Variants in KLK1 observed in about 807,000 individuals in gnomAD.
KLK1 encodes the protein kallikrein-1.
A neutral mutation model predicts 23.3 loss-of-function variants in KLK1; 22 were observed. That is an observed-to-expected ratio of 0.95 (90% CI 0.68 to 1.35). The LOEUF is 1.35. Ranked by LOEUF, KLK1 falls within the 40% of genes most tolerant of loss-of-function variation. The pLI is 0.00. For synonymous variants in KLK1, 140 were observed against 135.8 expected, an observed-to-expected ratio of 1.03 and a Z score of -0.21; for missense variants, 301 against 338.9, an observed-to-expected ratio of 0.89 and a Z score of 0.88.
Position 50,821,560 on chromosome 19 carries a change from C to T in KLK1, c.206+152G>A. ...CAGCCTTGGAGAGGGGTGTCCAGCC[C>T]AGCTCTGCCCTGCCAGGCGACCTGC... is the stretch of plus-strand genomic sequence containing the variant. On this transcript the variant is annotated intron_variant, in intron 2 of 4. Transcript: ENST00000301420. The surrounding 1 kb of genome is among the most constrained non-coding windows in gnomAD (Gnocchi z 5.6). 9.4e-7 allele frequency: 1 copy of T among 1,065,678 alleles called. No homozygotes were observed. The highest frequency in any genetic ancestry group is 2.8e-5 in the East Asian group (1 of 36,058). The allele number at this position is 1,065,678 out of a possible 1,614,324, so 66.0% of individuals were successfully genotyped here. A position where few individuals can be genotyped will look rare whatever the true frequency, so the allele number is the denominator to read the frequency against.
At chr19:50,820,924 G>C (rs2123388645) in intron 2 of KLK1, 1 of 150,358 alleles carries the variant, frequency 6.7e-6, no homozygotes, top group Admixed American at 6.6e-5. Flanking sequence ...AGAAAAGGGA[G>C]GGAGGCCCTG....
At chr19:50,823,670 C>T (rs762014951) in intron 1 of KLK1, 33 bp downstream of exon 1, 8 of 1,462,206 alleles carry the variant, frequency 5.5e-6, no homozygotes, top group African/African-American at 1.4e-5. Context: ...AATCAGGGCC[C>T]GTTCCCCCTC....
In KLK1 at chr19:50,821,871, C is replaced by A; in HGVS notation, c.47G>T (p.Gly16Val). 6.2e-7 allele frequency: 1 copy of A among 1,605,542 alleles called. No homozygotes were observed. The change falls in exon 2 of 5, where the codon GGT (glycine) becomes GTT (valine). Residue 16 changes from glycine (G) to valine (V), a missense_variant and splice_region_variant. Physicochemically the swap from Gly to Val is moderately radical, Grantham distance 109. Coordinates refer to ENST00000301420, the MANE Select transcript of KLK1 (RefSeq NM_002257.4). The surrounding 1 kb of genome is among the most constrained non-coding windows in gnomAD (Gnocchi z 5.6). Reference protein sequence around the residue: ...LCLALSLGGTGAAPPIQSRIV... With the variant: ...LCLALSLGGTVAAPPIQSRIV... ...CCGGGACTGAATCGGGGGCGCAGCACCTGCAGAGGCGGTGCTGGGTCAGGA... is the reference window on the plus strand; with the variant it reads ...CCGGGACTGAATCGGGGGCGCAGCAACTGCAGAGGCGGTGCTGGGTCAGGA...
At chr19:50,822,687 G>A in intron 1 of KLK1, 1 of 985,202 alleles carries the variant, frequency 1.0e-6, no homozygotes, top group Non-Finnish European at 1.2e-6. Context: ...TTCTCGGACA[G>A]GGTGAAGGAT....
intron 1 of KLK1, among the ~76,000 whole-genome samples, chr19:50,823,321 T>C (rs2089839375): frequency 6.6e-6 from 1 of 151,264 alleles, no homozygotes; most frequent in Non-Finnish European, 1.5e-5. Context: ...GAGGGGATGA[T>C]CAGAGTCCTG....
chr19:50,821,611 C>CT lies in KLK1; in HGVS notation c.206+100_206+101insA. On this transcript the variant is annotated intron_variant, in intron 2 of 4. Transcript: ENST00000301420. This position sits in a 1 kb window ranked among gnomAD's most constrained non-coding sequence, Gnocchi z 5.6. ...GCCAGAGCCTTCCTCTCTGCCTCAG[C>CT]CCCCCAGTCTTGCCTGAGGTTATCC... 1 of 1,404,304 alleles carries CT rather than the reference C, an allele frequency of 7.1e-7. No homozygotes were observed. The highest frequency in any genetic ancestry group is 9.4e-7 in the Non-Finnish European group (1 of 1,064,452). 87.0% of individuals were successfully genotyped at this position (1,404,304 alleles called of 1,614,324 possible).
Position 50,819,227 on chromosome 19 carries a change from C to T in KLK1, c.756G>A (p.Lys252=). 6.2e-7 allele frequency: 1 copy of T among 1,614,124 alleles called. No individual in the cohort carries two copies. Among genetic ancestry groups the T allele is most frequent in the Non-Finnish European group, 8.5e-7 (1 of 1,179,984 alleles). The part of the protein sequence containing the change: ...SVAVRVLSYV[K]WIEDTIAENS ...TCTCCGCTATGGTGTCCTCGATCCA[C>T]TTCACATAAGACAGCACTCTGACGG... Residue 252 remains lysine (K), a synonymous_variant, in exon 5 of 5, where the codon AAG becomes AAA. Coordinates refer to ENST00000301420, the MANE Select transcript of KLK1 (RefSeq NM_002257.4).
rs2089827800 is a variant in KLK1 at position 50,821,436 on chromosome 19, G to A, written c.206+276C>T. 6.6e-6 allele frequency among the ~76,000 whole-genome samples: 1 copy of A among 152,118 alleles called. No homozygotes were observed. The highest frequency in any genetic ancestry group is 1.5e-5 in the Non-Finnish European group (1 of 68,010). ...GACTCAGAGACAGACAGAGACAGGG[G>A]AGATGCAGAGACAAGGAGACAGAGG... On this transcript the variant is annotated intron_variant, in intron 2 of 4. Coordinates refer to ENST00000301420, the MANE Select transcript of KLK1 (RefSeq NM_002257.4). The surrounding 1 kb of genome is among the most constrained non-coding windows in gnomAD (Gnocchi z 5.6).
Position 50,820,417 on chromosome 19 carries a change from T to C in KLK1, c.233A>G (p.His78Arg), listed in dbSNP as rs750872526. The C allele has an allele frequency of 1.9e-6, 3 of 1,543,950 alleles. No homozygotes were observed. The highest frequency in any genetic ancestry group is 2.6e-6 in the Non-Finnish European group (3 of 1,141,644). Residue 78 changes from histidine to arginine, a missense_variant, in exon 3 of 5, where the codon CAC (histidine) becomes CGC (arginine). Coordinates refer to ENST00000301420, the MANE Select transcript of KLK1 (RefSeq NM_002257.4). ...SDNYQLWLGR[H>R]NLFDDENTAQ... ...TGTGTTTTCGTCGTCAAACAAGTTG[T>C]GGCGACCCAGCCAGAGCTGGTAATT...
In KLK1 at chr19:50,821,609, AG is replaced by A; in HGVS notation, c.206+102del. ...GCGCCAGAGCCTTCCTCTCTGCCTC[AG>A]CCCCCCAGTCTTGCCTGAGGTTATC... On this transcript the variant is annotated intron_variant, in intron 2 of 4. Coordinates refer to ENST00000301420, the MANE Select transcript of KLK1 (RefSeq NM_002257.4). This position sits in a 1 kb window ranked among gnomAD's most constrained non-coding sequence, Gnocchi z 5.6. 1 of 1,409,930 alleles carries A rather than the reference AG, an allele frequency of 7.1e-7. No homozygotes were observed. 87.3% of individuals were successfully genotyped at this position (1,409,930 alleles called of 1,614,324 possible).
rs144909063 is a variant in KLK1, at chr19:50,821,318, T to C, written c.206+394A>G. On this transcript the variant is annotated intron_variant, in intron 2 of 4. Transcript: ENST00000301420. This position sits in a 1 kb window ranked among gnomAD's most constrained non-coding sequence, Gnocchi z 5.6. ...TAGGTCCATCTGGGTGTGTGTTTAG[T>C]AGGGATGAGGGAGCGGTGAGGTAGA... Among the ~76,000 whole-genome samples, 109 of 151,698 alleles carry C rather than the reference T, an allele frequency of 7.2e-4. No homozygotes were observed. Among genetic ancestry groups the C allele is most frequent in the African/African-American group, 2.5e-3 (105 of 41,340 alleles).
At chr19:50,819,491 T>C (rs1030641839) in intron 4 of KLK1, 142 bp from the exon 5 acceptor site, 1 of 811,154 alleles carries the variant, frequency 1.2e-6, no homozygotes, top group Non-Finnish European at 1.9e-6. Context: ...GGGGACAGGG[T>C]CTCCAGTCCT....
In KLK1 at chr19:50,819,961, G is replaced by A. The variant is rs2123387098; in HGVS notation, c.571C>T (p.Gln191Ter). 1 of 1,614,100 alleles carries A rather than the reference G, an allele frequency of 6.2e-7. No individual in the cohort carries two copies. The highest frequency in any genetic ancestry group is 1.7e-4 in the Middle Eastern group (1 of 6,060). Residue 191 changes from glutamine (Q) to a stop codon, truncating the protein, a stop_gained, in exon 4 of 5, where the codon CAG (glutamine) becomes TAG (stop). Coordinates refer to ENST00000301420, the MANE Select transcript of KLK1 (RefSeq NM_002257.4). LOFTEE classifies it high-confidence loss of function. ...CACAGCATGAAGTCTGTCACCTTCT[G>A]GACGTGGGCTTTTTTGCACTCATCA... ...PNDECKKAHV[Q>*]KVTDFMLCVG... is the part of the protein sequence containing the mutation.
Position 50,823,614 on chromosome 19 carries a change from T to C in KLK1, c.46+89A>G, listed in dbSNP as rs1305236391. On this transcript the variant is annotated intron_variant, in intron 1 of 4. Coordinates refer to ENST00000301420, the MANE Select transcript of KLK1 (RefSeq NM_002257.4). ...GGGCCAGAGGGATGAGGGTGGGGTG[T>C]TGGAGGGGAAGGTCTTATCGGGGGG... The C allele has an allele frequency of 3.6e-6, 3 of 830,580 alleles. No individual in the cohort carries two copies. The African/African-American group carries it at 5.1e-5, about 14-fold the overall frequency. 51.5% of individuals were successfully genotyped at this position (830,580 alleles called of 1,614,324 possible).
intron 2 of KLK1, 73 bp from the exon 3 acceptor site, chr19:50,820,516 G>GT: frequency 4.1e-6 from 2 of 483,976 alleles, no homozygotes; most frequent in East Asian, 4.3e-5. Context: ...GAGCATGGGG[G>GT]AGGGTCCCCA....
chr19:50,822,725 G>T (rs1485456450), intron 1 of KLK1: 3 of 985,362 alleles, frequency 3.0e-6, no homozygotes. Flanking sequence ...TGGGGATGGG[G>T]TTCATGGTCT....
intron 1 of KLK1, chr19:50,822,834 T>G (rs1033777830): frequency 6.1e-6 from 6 of 978,164 alleles, no homozygotes; most frequent in East Asian, 1.1e-4. Flanking sequence ...GGGAATGCAA[T>G]GCAGGACCCA....
In KLK1 at chr19:50,819,177, G is replaced by C; in HGVS notation, c.*17C>G. ...GCACATTTGATTTTACTGGGGGTAG[G>C]GGACAGGGCTGGGCGTTCAGGAGTT... On this transcript the variant is annotated 3_prime_UTR_variant, in exon 5 of 5. Coordinates refer to ENST00000301420, the MANE Select transcript of KLK1 (RefSeq NM_002257.4). The C allele has an allele frequency of 6.3e-7, 1 of 1,597,024 alleles. No homozygotes were observed. The highest frequency in any genetic ancestry group is 1.3e-5 in the African/African-American group (1 of 74,630).
At chr19:50,823,375 G>A (rs950664626) in intron 1 of KLK1, among the ~76,000 whole-genome samples, 1 of 152,132 alleles carries the variant, frequency 6.6e-6, no homozygotes, top group Non-Finnish European at 1.5e-5. Context: ...CCTCCAGAGA[G>A]AGACAGAGAT....
Sources: gnomAD v4.1 joint callset for allele counts (sites outside exome capture counted in the v4.1 genomes callset) on GRCh38, gnomAD v4.1.1 for gene constraint, Gnocchi (gnomAD v3.1) non-coding constraint, MANE v1.5 for transcripts, NCBI Gene and HGNC (gene_info 2026-07-23, HGNC 2026-07-21) for gene names.